CCDC178: variants seen among roughly 807,000 people sequenced by gnomAD.
CCDC178 encodes coiled-coil domain-containing protein 178.
Under a neutral mutation model 117.4 loss-of-function variants are expected in CCDC178, and 126 were observed. The observed-to-expected ratio is 1.07, with a 90% CI of 0.93 to 1.24. The LOEUF (loss-of-function observed/expected upper bound fraction) is 1.24. Ranked by LOEUF, CCDC178 falls within the 50% of genes most tolerant of loss-of-function variation. The pLI is 0.00. For missense variants in CCDC178, 1,030 were observed against 986.9 expected (o/e 1.04, Z -0.59); for synonymous variants, 283 against 313.4 (o/e 0.90, Z 1.02).
chr18:33,045,726 GCATT>G (rs2056630086), intron 21 of CCDC178, among the ~76,000 whole-genome samples: 1 of 152,114 alleles, frequency 6.6e-6, no homozygotes, highest in East Asian at 1.9e-4. Flanking sequence ...CAAAGCCGAA[GCATT>G]GCAGGCGTAG....
intron 20 of CCDC178, among the ~76,000 whole-genome samples, chr18:33,168,224 A>T (rs932171305): frequency 6.6e-6 from 1 of 151,992 alleles, no homozygotes; most frequent in African/African-American, 2.4e-5. Flanking sequence ...TTGGTTTTAG[A>T]TTTAAGTCTT....
In CCDC178 at chr18:33,211,912, G is replaced by GT. The variant is rs1385887588; in HGVS notation, c.2221dup (p.Thr741AsnfsTer11). The GT allele has an allele frequency of 1.2e-6, 2 of 1,604,772 alleles. No individual in the cohort carries two copies. Among genetic ancestry groups the GT allele is most frequent in the East Asian group, 2.2e-5 (1 of 44,588 alleles). ...AATACTCACTTGGGTATCTTGAAGA[G>GT]TTTTTTGTCTTACAGCAAGGAGCAC... is the stretch of plus-strand genomic sequence containing the variant. On this transcript the variant is annotated frameshift_variant, in exon 20 of 23. Coordinates refer to ENST00000383096, the MANE Select transcript of CCDC178 (RefSeq NM_001105528.4). LOFTEE classifies it high-confidence loss of function.
intron 11 of CCDC178, among the ~76,000 whole-genome samples, chr18:33,299,090 C>T (rs892862281): frequency 1.3e-5 from 2 of 152,054 alleles, no homozygotes; most frequent in Admixed American, 1.3e-4. Context: ...ATACCAATGA[C>T]AGTATTCATA....
At chr18:33,318,530 G>T (rs1016125377) in intron 11 of CCDC178, among the ~76,000 whole-genome samples, 6 of 152,136 alleles carry the variant, frequency 3.9e-5, no homozygotes, top group African/African-American at 1.4e-4. Flanking sequence ...CGATCAAGAA[G>T]TATGGAGTAC....
chr18:33,305,072 A>G (rs2062229793), intron 11 of CCDC178, among the ~76,000 whole-genome samples: 1 of 152,188 alleles, frequency 6.6e-6, no homozygotes, highest in African/African-American at 2.4e-5. Context: ...TAATGAAACC[A>G]AACAAGGAAG....
chr18:32,984,368 ATT>A (rs1568197989), intron 21 of CCDC178, among the ~76,000 whole-genome samples: 1 of 151,918 alleles, frequency 6.6e-6, no homozygotes, highest in African/African-American at 2.4e-5. Context: ...ATGCAAATGT[ATT>A]TCTTTGTATA....
chr18:33,341,454 T>C (rs2062815980), intron 9 of CCDC178, among the ~76,000 whole-genome samples: 1 of 152,114 alleles, frequency 6.6e-6, no homozygotes. Context: ...TTTTGAAATA[T>C]GAGGGCATGA....
chr18:33,217,278 T>C (rs2059177703), intron 18 of CCDC178, among the ~76,000 whole-genome samples: 2 of 152,046 alleles, frequency 1.3e-5, no homozygotes, highest in Admixed American at 1.3e-4. Context: ...TTGGTTTTAT[T>C]GGTAGAGTTT....
At chr18:33,194,900 C>CA (rs530764182) in intron 20 of CCDC178, among the ~76,000 whole-genome samples, 3,965 of 56,094 alleles carry the variant, frequency 0.071, 155 homozygotes, top group Middle Eastern at 0.11. Flanking sequence ...TCTGTTTCTA[C>CA]AAAAAAAAAA....
Position 33,286,531 on chromosome 18 carries a change from G to A in CCDC178, c.1176+6628C>T, listed in dbSNP as rs111249793. Among the ~76,000 whole-genome samples the A allele has an allele frequency of 9.0e-3, 1,370 of 152,038 alleles. 21 individuals are homozygous for A. Among genetic ancestry groups the A allele is most frequent in the African/African-American group, 0.03 (1,264 of 41,476 alleles). ...GAATTTGCTTAATTTGAAAATTTTC[G>A]AGGCAAATGTATGAATCAAAAGGCA... On this transcript the variant is annotated intron_variant, in intron 12 of 22. Coordinates refer to ENST00000383096, the MANE Select transcript of CCDC178 (RefSeq NM_001105528.4).
intron 11 of CCDC178, among the ~76,000 whole-genome samples, chr18:33,314,040 A>C (rs1157833655): frequency 6.7e-6 from 1 of 150,194 alleles, no homozygotes; most frequent in Non-Finnish European, 1.5e-5. Context: ...CTCTACTAAA[A>C]ATACAAAAAA....
chr18:33,349,620 C>G (rs939317573), intron 7 of CCDC178, among the ~76,000 whole-genome samples: 1 of 151,812 alleles, frequency 6.6e-6, no homozygotes. Context: ...GAATCCTAAA[C>G]TAGCCTTCAT....
chr18:33,173,131 C>A (rs1277302583), intron 20 of CCDC178, among the ~76,000 whole-genome samples: 7 of 152,160 alleles, frequency 4.6e-5, no homozygotes, highest in Admixed American at 4.6e-4. Context: ...CTCACTGCAG[C>A]CTCTTCCTCC....
chr18:33,248,667 T>A (rs1181352601), intron 14 of CCDC178, among the ~76,000 whole-genome samples: 1 of 152,094 alleles, frequency 6.6e-6, no homozygotes, highest in Non-Finnish European at 1.5e-5. Flanking sequence ...AGTCCATCAT[T>A]GATGGACATT....
chr18:33,034,784 T>C (rs998505743), intron 21 of CCDC178, among the ~76,000 whole-genome samples: 1 of 152,002 alleles, frequency 6.6e-6, no homozygotes, highest in Non-Finnish European at 1.5e-5. Context: ...GGCTAGCATA[T>C]AGTAGTAGTT....
chr18:33,230,953 T>C (rs2059361379), intron 15 of CCDC178, among the ~76,000 whole-genome samples: 1 of 152,178 alleles, frequency 6.6e-6, no homozygotes, highest in Admixed American at 6.5e-5. Context: ...CCCAGAAAAA[T>C]TGCCACTTAG....
intron 11 of CCDC178, chr18:33,323,168 G>T (rs1446023494): frequency 6.2e-6 from 1 of 161,508 alleles, no homozygotes; most frequent in South Asian, 2.0e-4. Context: ...TCCCATGCTG[G>T]ATTTTTTTAA....
intron 21 of CCDC178, among the ~76,000 whole-genome samples, chr18:33,015,103 A>C (rs1242249318): frequency 2.0e-5 from 3 of 151,764 alleles, no homozygotes; most frequent in Admixed American, 6.6e-5. Context: ...CAAAAATACA[A>C]AAATTAGCCG....
At chr18:33,224,713 A>G in intron 17 of CCDC178, 62 bp downstream of exon 17, 1 of 1,058,160 alleles carries the variant, frequency 9.5e-7, no homozygotes, top group Non-Finnish European at 1.3e-6. Flanking sequence ...GTAAAATCAC[A>G]TGCGTAACTT....
Sources: gnomAD v4.1 joint callset for allele counts (sites outside exome capture counted in the v4.1 genomes callset) on GRCh38, gnomAD v4.1.1 for gene constraint, MANE v1.5 for transcripts, NCBI Gene and HGNC (gene_info 2026-07-23, HGNC 2026-07-21) for gene names.